MMP13: variants seen among roughly 807,000 people sequenced by gnomAD.
MMP13 encodes collagenase 3.
In MMP13, 45 loss-of-function variants were observed where a neutral mutation model predicts 52.1. That is an observed-to-expected ratio of 0.86 (90% CI 0.68 to 1.11). MMP13 has a LOEUF of 1.11. Among genes scored for constraint, MMP13 ranks in the 50% least tolerant of loss-of-function variants. The pLI is 0.00. For synonymous variants in MMP13, 200 were observed against 204.4 expected (o/e 0.98, Z 0.18); for missense variants, 576 against 583.8 (o/e 0.99, Z 0.14).
chr11:102,948,149 A>G (rs997939600), intron 7 of MMP13, 99 bp from the exon 8 acceptor site: 1 of 861,986 alleles, frequency 1.2e-6, no homozygotes, highest in Non-Finnish European at 1.8e-6. Flanking sequence ...TTACATTGAG[A>G]AATATTAATA....
Position 102,954,995 on chromosome 11 carries a change from A to G in MMP13, c.362+257T>C, listed in dbSNP as rs185274515. On this transcript the variant is annotated intron_variant, in intron 2 of 9. Transcript: ENST00000260302. ...TTGTAATAAATACACCTAATGTACT[A>G]TGTTTGCAAATTTTCTTTAACCTAC... Among the ~76,000 whole-genome samples the G allele has an allele frequency of 1.7e-3, 265 of 152,280 alleles. 1 individual carries two copies. The highest frequency in any genetic ancestry group is 6.3e-3 in the African/African-American group (260 of 41,556).
In MMP13 at chr11:102,955,641, A is replaced by T; in HGVS notation, c.65T>A (p.Leu22His). 6.2e-7 allele frequency: 1 copy of T among 1,614,030 alleles called. No individual in the cohort carries two copies. Among genetic ancestry groups the T allele is most frequent in the Non-Finnish European group, 8.5e-7 (1 of 1,179,920 alleles). ...ATCATCTTCATCACCACCACTGGGA[A>T]GGGGCAGGGCCCGACAATGAGTCCA... ...LSWTHCRALP[L>H]PSGGDEDDLS... Residue 22 changes from leucine (L) to histidine (H), a missense_variant, in exon 1 of 10, where the codon CTT (leucine) becomes CAT (histidine). Physicochemically the swap from Leu to His is moderately conservative, Grantham distance 99. Coordinates refer to ENST00000260302, the MANE Select transcript of MMP13 (RefSeq NM_002427.4). The surrounding 1 kb of genome is among the most constrained non-coding windows in gnomAD (Gnocchi z 4.9).
At chr11:102,953,066 C>T (rs1215306259) in intron 4 of MMP13, among the ~76,000 whole-genome samples, 3 of 152,184 alleles carry the variant, frequency 2.0e-5, no homozygotes, top group Admixed American at 1.3e-4. Flanking sequence ...TTAGAGGTCA[C>T]ATAATCTGAG....
chr11:102,945,105 A>G (rs567676608), intron 9 of MMP13: 1 of 341,330 alleles, frequency 2.9e-6, no homozygotes, highest in Middle Eastern at 8.8e-4. Context: ...TCAGCCAGGC[A>G]TGGTGGCAGG....
rs950057467 is a variant in MMP13, at chr11:102,952,443, A to G, written c.638-270T>C. Among the ~76,000 whole-genome samples, 16 of 152,284 alleles carry G rather than the reference A, an allele frequency of 1.1e-4. No individual in the cohort carries two copies. Among genetic ancestry groups the G allele is most frequent in the Middle Eastern group, 3.4e-3 (1 of 294 alleles). ...AACAGATTACTCTCATGTAATTAGT[A>G]ATTAATAAGGATTTACTGTGAATAC... On this transcript the variant is annotated intron_variant, in intron 4 of 9. Transcript: ENST00000260302. The surrounding 1 kb of genome is among the most constrained non-coding windows in gnomAD (Gnocchi z 4.3).
Position 102,952,476 on chromosome 11 carries a change from C to T in MMP13, c.638-303G>A, listed in dbSNP as rs1284721672. ...AGGATTTACTGTGAATACATTAGAA[C>T]TCCTGATTTGCGCTTAGTATTCTCA... On this transcript the variant is annotated intron_variant, in intron 4 of 9. Transcript: ENST00000260302. This position sits in a 1 kb window ranked among gnomAD's most constrained non-coding sequence, Gnocchi z 4.3. Among the ~76,000 whole-genome samples the T allele has an allele frequency of 6.6e-6, 1 of 152,144 alleles. No individual in the cohort carries two copies.
Position 102,952,196 on chromosome 11 carries a change from T to TG in MMP13, c.638-24dup, listed in dbSNP as rs782052337. 10 of 1,611,548 alleles carry TG rather than the reference T, an allele frequency of 6.2e-6. No homozygotes were observed. The South Asian group carries it at 1.1e-4, about 18-fold the overall frequency. On this transcript the variant is annotated intron_variant, in intron 4 of 9. Coordinates refer to ENST00000260302, the MANE Select transcript of MMP13 (RefSeq NM_002427.4). The surrounding 1 kb of genome is among the most constrained non-coding windows in gnomAD (Gnocchi z 4.3). ...AGCCTGTAAGAAAACAAAGAAACAATGAGAAAAAAAGGAATTCCAGTGACC... is the reference window on the plus strand; with the variant it reads ...AGCCTGTAAGAAAACAAAGAAACAATGGAGAAAAAAAGGAATTCCAGTGACC...
At chr11:102,945,584 GAA>G (rs1860491566) in intron 9 of MMP13, 60 bp downstream of exon 9, 1 of 1,031,866 alleles carries the variant, frequency 9.7e-7, no homozygotes, top group Non-Finnish European at 1.5e-6. Context: ...GCTTTGTACA[GAA>G]AAGAGTTTTG....
At chr11:102,954,047 T>C in intron 4 of MMP13, 109 bp downstream of exon 4, 1 of 1,251,274 alleles carries the variant, frequency 8.0e-7, no homozygotes, top group Non-Finnish European at 1.1e-6. Context: ...TTTAAGAAAA[T>C]ATAGTCAAAT....
At chr11:102,947,497 C>T (rs1455110140) in intron 8 of MMP13, among the ~76,000 whole-genome samples, 1 of 151,972 alleles carries the variant, frequency 6.6e-6, no homozygotes, top group Non-Finnish European at 1.5e-5. Flanking sequence ...TGCTTCAATA[C>T]AGGAGGCAGA....
At position 102,955,718 on chromosome 11, in the gene MMP13, T is replaced by C. The variant is rs777612831; in HGVS notation, c.-13A>G. On this transcript the variant is annotated 5_prime_UTR_variant, in exon 1 of 10. Coordinates refer to ENST00000260302, the MANE Select transcript of MMP13 (RefSeq NM_002427.4). This position sits in a 1 kb window ranked among gnomAD's most constrained non-coding sequence, Gnocchi z 4.9. The stretch of plus-strand genomic sequence containing the variant: ...CCCCTGGATGCATCTTGAATGGTGA[T>C]GCCTGGGGACTGTTGTCTTTCCGCA... 13 of 1,613,738 alleles carry C rather than the reference T, an allele frequency of 8.1e-6. No homozygotes were observed. Among genetic ancestry groups the C allele is most frequent in the Non-Finnish European group, 3.4e-6 (4 of 1,179,836 alleles).
At chr11:102,946,157 C>T (rs940498638) in intron 8 of MMP13, among the ~76,000 whole-genome samples, 1 of 152,116 alleles carries the variant, frequency 6.6e-6, no homozygotes, top group Non-Finnish European at 1.5e-5. Context: ...GTAATGGCTA[C>T]AAAAATATTT....
At chr11:102,947,667 TTGTGTGTGTGTGTGTGTGTGTG>T (rs71066125) in intron 8 of MMP13, among the ~76,000 whole-genome samples, 1 of 144,810 alleles carries the variant, frequency 6.9e-6, no homozygotes, top group Non-Finnish European at 1.5e-5. Context: ...TGTTTGAGTA[TTGTGTGTGTGTGTGTGTGTGTG>T]TGTGTGTGTG....
chr11:102,948,015 G>A lies in MMP13; in HGVS notation c.1087C>T (p.Leu363=). 6.2e-7 allele frequency: 1 copy of A among 1,613,718 alleles called. No individual in the cohort carries two copies. Among genetic ancestry groups the A allele is most frequent in the Non-Finnish European group, 8.5e-7 (1 of 1,179,832 alleles). ...KFWALNGYDI[L]EGYPKKISEL... ...GATATTTTTTTGGGATAACCTTCCA[G>A]AATGTCATAACCATTAAGAGCCCAA... Residue 363 remains leucine (L), a synonymous_variant, in exon 8 of 10, where the codon CTG becomes TTG. Transcript: ENST00000260302.
chr11:102,950,708 A>T (rs1860597797), intron 5 of MMP13, among the ~76,000 whole-genome samples: 1 of 152,126 alleles, frequency 6.6e-6, no homozygotes, highest in African/African-American at 2.4e-5. Context: ...CTCAGCTGTG[A>T]CAAACCAGGC....
chr11:102,952,522 C>A lies in MMP13; in HGVS notation c.638-349G>T, dbSNP rs1860629594. On this transcript the variant is annotated intron_variant, in intron 4 of 9. Coordinates refer to ENST00000260302, the MANE Select transcript of MMP13 (RefSeq NM_002427.4). The surrounding 1 kb of genome is among the most constrained non-coding windows in gnomAD (Gnocchi z 4.3). ...TCTCAGGTCAGGTGAGGGAAGTGGA[C>A]AGAGATTACCTTAAACGAGGAGTGG... Among the ~76,000 whole-genome samples, 1 of 152,076 alleles carries A rather than the reference C, an allele frequency of 6.6e-6. No homozygotes were observed. Among genetic ancestry groups the A allele is most frequent in the Non-Finnish European group, 1.5e-5 (1 of 68,004 alleles).
rs184355854 is a variant in MMP13, at chr11:102,946,653, G to A, written c.1212-904C>T. Among the ~76,000 whole-genome samples, 68 of 151,786 alleles carry A rather than the reference G, an allele frequency of 4.5e-4. 1 individual carries two copies. The highest frequency in any genetic ancestry group is 2.9e-3 in the Admixed American group (45 of 15,266). Reference sequence around the variant, plus strand: ...GAGAGATGCAGGGAAGGATCTTCTGGCAAAAAAAAATTGCCTAAGAGAAGC... The same window carrying A: ...GAGAGATGCAGGGAAGGATCTTCTGACAAAAAAAAATTGCCTAAGAGAAGC... On this transcript the variant is annotated intron_variant, in intron 8 of 9. Coordinates refer to ENST00000260302, the MANE Select transcript of MMP13 (RefSeq NM_002427.4).
Position 102,943,678 on chromosome 11 carries a change from G to A in MMP13, c.*588C>T, listed in dbSNP as rs1451994164. 1 of 154,144 alleles carries A rather than the reference G, an allele frequency of 6.5e-6. No homozygotes were observed. Among genetic ancestry groups the A allele is most frequent in the Non-Finnish European group, 1.4e-5 (1 of 69,396 alleles). 9.5% of individuals were successfully genotyped at this position (154,144 alleles called of 1,614,324 possible). A position where few individuals can be genotyped will look rare whatever the true frequency, so the allele number is the denominator to read the frequency against. On this transcript the variant is annotated 3_prime_UTR_variant, in exon 10 of 10. Coordinates refer to ENST00000260302, the MANE Select transcript of MMP13 (RefSeq NM_002427.4). ...GGCCACATCTACTATTCTTACCACT[G>A]CTCTTTTGTCTCCTGTCTTTAATGA...
At chr11:102,948,635 T>C (rs1248877966) in intron 7 of MMP13, among the ~76,000 whole-genome samples, 1 of 152,170 alleles carries the variant, frequency 6.6e-6, no homozygotes, top group African/African-American at 2.4e-5. Context: ...TGTAAAAATT[T>C]GTATTACATA....
Sources: allele counts gnomAD v4.1 joint callset (sites outside exome capture counted in the v4.1 genomes callset), GRCh38; gene constraint gnomAD v4.1.1; non-coding constraint Gnocchi (gnomAD v3.1); transcripts MANE v1.5; gene names NCBI Gene and HGNC (gene_info 2026-07-23, HGNC 2026-07-21).